TRPM3: variants seen among roughly 807,000 people sequenced by gnomAD.
TRPM3 encodes transient receptor potential cation channel subfamily M member 3, also known as long transient receptor potential channel 3.
In TRPM3, 77 loss-of-function variants were observed where a neutral mutation model predicts 181.2. The observed-to-expected ratio is 0.42, with a 90% CI of 0.35 to 0.51. The LOEUF (loss-of-function observed/expected upper bound fraction) is 0.51. TRPM3 is among the 20% of genes least tolerant of loss of function. The pLI is 0.01. For missense variants in TRPM3, 1,759 were observed against 2,196.7 expected (o/e 0.80, Z 3.98); for synonymous variants, 745 against 796.4 (o/e 0.94, Z 1.09).
intron 1 of TRPM3, among the ~76,000 whole-genome samples, chr9:71,031,645 G>A (rs1270037173): frequency 6.6e-6 from 1 of 151,620 alleles, no homozygotes; most frequent in Admixed American, 6.6e-5. Context: ...ATTCCACTAA[G>A]ACCACAGAAT....
intron 1 of TRPM3, among the ~76,000 whole-genome samples, chr9:71,083,449 T>C (rs1591283648): frequency 6.6e-6 from 1 of 152,084 alleles, no homozygotes; most frequent in South Asian, 2.1e-4. Context: ...CGATCCTTCA[T>C]CCTGCCTCTG....
intron 1 of TRPM3, among the ~76,000 whole-genome samples, chr9:71,350,898 G>T (rs1009086636): frequency 6.6e-6 from 1 of 152,126 alleles, no homozygotes; most frequent in Non-Finnish European, 1.5e-5. Flanking sequence ...GGGAGGGGGC[G>T]ATAGTTCTAT....
At chr9:71,102,144 A>G (rs76758256) in intron 1 of TRPM3, among the ~76,000 whole-genome samples, 1,979 of 152,290 alleles carry the variant, frequency 0.013, 34 homozygotes, top group African/African-American at 0.045. Context: ...ACCTTGGTAG[A>G]AAATAAAATG....
intron 8 of TRPM3, among the ~76,000 whole-genome samples, chr9:70,739,578 T>A (rs2073539648): frequency 6.6e-6 from 1 of 151,986 alleles, no homozygotes; most frequent in Non-Finnish European, 1.5e-5. Flanking sequence ...AAGACAAGGA[T>A]GCCCACTTTT....
rs563937294 is a variant in TRPM3, at chr9:71,341,099, T to G, written c.183+105554A>C. On this transcript the variant is annotated intron_variant, in intron 1 of 24. Coordinates refer to the TRPM3 transcript ENST00000357533. Reference sequence around the variant, plus strand: ...TATATTGGTTACATAAATAACTGAATAAACTGGGAAAAGGAACTCTTATAA... The same window carrying G: ...TATATTGGTTACATAAATAACTGAAGAAACTGGGAAAAGGAACTCTTATAA... Among the ~76,000 whole-genome samples the G allele has an allele frequency of 3.3e-5, 5 of 152,178 alleles. No individual in the cohort carries two copies. In the South Asian group the frequency reaches 1.0e-3, roughly 32 times the overall value.
chr9:70,615,823 G>A, intron 18 of TRPM3, 85 bp downstream of exon 18: 36 of 1,360,110 alleles, frequency 2.6e-5, no homozygotes, highest in Non-Finnish European at 3.6e-5. Context: ...TCTGACCTAA[G>A]GAGTTACTGA....
chr9:71,111,828 C>T (rs1214006358), intron 1 of TRPM3, among the ~76,000 whole-genome samples: 8 of 152,146 alleles, frequency 5.3e-5, no homozygotes, highest in Non-Finnish European at 1.0e-4. Flanking sequence ...TAGTTATTTG[C>T]CTTCTTTCCA....
At chr9:70,670,057 T>C (rs1016496194) in intron 9 of TRPM3, among the ~76,000 whole-genome samples, 15 of 151,728 alleles carry the variant, frequency 9.9e-5, no homozygotes, top group Admixed American at 6.6e-5. Flanking sequence ...TAAGGGGAGG[T>C]GACTAATGGG....
At chr9:70,773,719 C>T (rs1163601574) in intron 7 of TRPM3, among the ~76,000 whole-genome samples, 3 of 152,270 alleles carry the variant, frequency 2.0e-5, no homozygotes, top group Admixed American at 6.5e-5. Flanking sequence ...AAGCATTTCT[C>T]GTTCTTCATC....
chr9:70,595,246 T>C (rs914805877), intron 21 of TRPM3, among the ~76,000 whole-genome samples: 1 of 152,244 alleles, frequency 6.6e-6, no homozygotes, highest in Non-Finnish European at 1.5e-5. Context: ...TTGGTTTGTT[T>C]GGGTCTTTTC....
intron 1 of TRPM3, among the ~76,000 whole-genome samples, chr9:71,043,809 A>G (rs988836996): frequency 6.6e-6 from 1 of 152,174 alleles, no homozygotes; most frequent in African/African-American, 2.4e-5. Flanking sequence ...TAGGAATTTC[A>G]GTGCAGTATA....
chr9:71,193,813 C>T (rs982986912), intron 1 of TRPM3, among the ~76,000 whole-genome samples: 1 of 151,860 alleles, frequency 6.6e-6, no homozygotes, highest in Non-Finnish European at 1.5e-5. Flanking sequence ...ACACTACTCA[C>T]AAGTGGTTTG....
intron 1 of TRPM3, among the ~76,000 whole-genome samples, chr9:71,255,949 T>C (rs1644343869): frequency 6.6e-6 from 1 of 151,796 alleles, no homozygotes. Flanking sequence ...CAACCAAGAG[T>C]GGGTGGTTAA....
At chr9:70,664,575 G>C (rs2133970827) in intron 9 of TRPM3, among the ~76,000 whole-genome samples, 1 of 151,350 alleles carries the variant, frequency 6.6e-6, no homozygotes, top group East Asian at 1.9e-4. Context: ...TTATCCCCAG[G>C]TAGCCTGGGC....
At chr9:71,373,300 T>C (rs963779996) in intron 1 of TRPM3, among the ~76,000 whole-genome samples, 35 of 107,626 alleles carry the variant, frequency 3.3e-4, no homozygotes, top group Admixed American at 3.1e-3. Context: ...AATAGAGACA[T>C]GAAAAACCCT....
At chr9:70,742,796 T>C (rs535733838) in intron 8 of TRPM3, among the ~76,000 whole-genome samples, 1 of 152,158 alleles carries the variant, frequency 6.6e-6, no homozygotes, top group African/African-American at 2.4e-5. Context: ...ATCTGAGAGA[T>C]AATAGACTTG....
chr9:71,262,019 G>C (rs1356175347), intron 1 of TRPM3, among the ~76,000 whole-genome samples: 1 of 152,196 alleles, frequency 6.6e-6, no homozygotes, highest in African/African-American at 2.4e-5. Context: ...TCCCTTAGCA[G>C]AGCTCAAGCA....
chr9:71,339,083 G>A (rs1160461901), intron 1 of TRPM3, among the ~76,000 whole-genome samples: 1 of 151,860 alleles, frequency 6.6e-6, no homozygotes, highest in African/African-American at 2.4e-5. Flanking sequence ...AAGACAAAAT[G>A]CAAGACAAAA....
At chr9:70,898,696 T>C (rs146799545) in intron 1 of TRPM3, among the ~76,000 whole-genome samples, 10,876 of 137,790 alleles carry the variant, frequency 0.079, 431 homozygotes, top group African/African-American at 0.094. Context: ...TGCACTGAGC[T>C]GAGATCGTGC....
Sources: allele counts gnomAD v4.1 joint callset (sites outside exome capture counted in the v4.1 genomes callset), GRCh38; gene constraint gnomAD v4.1.1; transcripts MANE v1.5; gene names NCBI Gene and HGNC (gene_info 2026-07-23, HGNC 2026-07-21).